SERPINA12: variants seen among roughly 807,000 people sequenced by gnomAD.
The protein encoded by SERPINA12 is serpin family A member 12, also known as serpin A12.
Under a neutral mutation model 25.9 loss-of-function variants are expected in SERPINA12, and 21 were observed. That is an observed-to-expected ratio of 0.81 (90% CI 0.58 to 1.17). The LOEUF is 1.17. Among genes scored for constraint, SERPINA12 ranks in the 50% most tolerant of loss-of-function variants. The pLI is 0.00. For synonymous variants in SERPINA12, 220 were observed against 196.0 expected, an observed-to-expected ratio of 1.12 and a Z score of -1.02; for missense variants, 562 against 508.3, an observed-to-expected ratio of 1.11 and a Z score of -1.02.
intron 1 of SERPINA12, among the ~76,000 whole-genome samples, chr14:94,500,472 C>T (rs2139856145): frequency 6.6e-6 from 1 of 152,300 alleles, no homozygotes; most frequent in East Asian, 1.9e-4. Context: ...AACTCTCCTG[C>T]TACTGGTTGG....
chr14:94,512,196 CA>C (rs891310212), upstream of SERPINA12, among the ~76,000 whole-genome samples: 5 of 152,108 alleles, frequency 3.3e-5, no homozygotes, highest in African/African-American at 9.7e-5. Context: ...GGCCTCCAAA[CA>C]AAAAAAGCCG....
intron 1 of SERPINA12, among the ~76,000 whole-genome samples, chr14:94,505,948 G>A (rs116736210): frequency 0.014 from 2,135 of 152,306 alleles, 63 homozygotes; most frequent in African/African-American, 0.049. Context: ...AAAGAGCCCC[G>A]GAGGAGGTGC....
chr14:94,510,243 T>C, upstream of SERPINA12: 1 of 985,314 alleles, frequency 1.0e-6, no homozygotes, highest in Non-Finnish European at 1.2e-6. Flanking sequence ...GTCAATCAAT[T>C]TCACTTAAAA....
chr14:94,487,541 AC>A, intron 4 of SERPINA12, 47 bp from the exon 5 acceptor site: 1 of 1,525,174 alleles, frequency 6.6e-7, no homozygotes, highest in Non-Finnish European at 8.9e-7. Context: ...CTCCTTGGCG[AC>A]CACAGTGGGC....
intron 1 of SERPINA12, among the ~76,000 whole-genome samples, chr14:94,506,317 C>T (rs1300843810): frequency 1.3e-5 from 2 of 152,086 alleles, no homozygotes; most frequent in Non-Finnish European, 1.5e-5. Context: ...GTGACCATGC[C>T]ACACCCTAAC....
chr14:94,506,250 G>A (rs186929961), intron 1 of SERPINA12, among the ~76,000 whole-genome samples: 1 of 152,302 alleles, frequency 6.6e-6, no homozygotes, highest in Non-Finnish European at 1.5e-5. Flanking sequence ...AGGGGAGCTA[G>A]GAATTTCTGG....
chr14:94,511,051 C>A (rs1901095634), upstream of SERPINA12, among the ~76,000 whole-genome samples: 1 of 152,018 alleles, frequency 6.6e-6, no homozygotes, highest in African/African-American at 2.4e-5. Context: ...ATAACTTAAT[C>A]CAAGTAACCA....
intron 1 of SERPINA12, among the ~76,000 whole-genome samples, chr14:94,508,299 T>C (rs1901004528): frequency 2.0e-5 from 3 of 152,262 alleles, no homozygotes; most frequent in Admixed American, 2.0e-4. Flanking sequence ...TCCGGTAAGA[T>C]CCTAGGTTAC....
At chr14:94,497,743 C>A (rs375226527) in intron 2 of SERPINA12, 21 bp downstream of exon 2, 378 of 1,577,874 alleles carry the variant, frequency 2.4e-4, no homozygotes, top group Non-Finnish European at 3.1e-4. Flanking sequence ...TCTTTCCACA[C>A]CAACATGCCA....
intron 1 of SERPINA12, among the ~76,000 whole-genome samples, chr14:94,507,065 A>G (rs1043414115): frequency 6.6e-6 from 1 of 152,232 alleles, no homozygotes; most frequent in Admixed American, 6.5e-5. Flanking sequence ...CCTTTCAATG[A>G]ATGATGAAAA....
intron 3 of SERPINA12, among the ~76,000 whole-genome samples, chr14:94,495,551 G>A (rs4905211): frequency 0.33 from 50,600 of 152,084 alleles, 8,991 homozygotes; most frequent in African/African-American, 0.46. Flanking sequence ...CTGACAGGAC[G>A]TTAGGTGTGG....
chr14:94,490,048 C>T (rs1464332072), intron 3 of SERPINA12, among the ~76,000 whole-genome samples: 1 of 152,120 alleles, frequency 6.6e-6, no homozygotes, highest in African/African-American at 2.4e-5. Flanking sequence ...GCCCCTTCAG[C>T]CACAGTCACT....
chr14:94,505,955 G>A (rs973167230), intron 1 of SERPINA12, among the ~76,000 whole-genome samples: 5 of 152,202 alleles, frequency 3.3e-5, no homozygotes, highest in Non-Finnish European at 5.9e-5. Context: ...CCCGGAGGAG[G>A]TGCACGTCTG....
chr14:94,511,035 C>T (rs146449810), upstream of SERPINA12, among the ~76,000 whole-genome samples: 106 of 152,076 alleles, frequency 7.0e-4, no homozygotes, highest in African/African-American at 1.4e-3. Flanking sequence ...CAGAAATCAC[C>T]GCTAAATAAC....
Position 94,496,485 on chromosome 14 carries a change from G to A in SERPINA12, c.793C>T (p.Gln265Ter), listed in dbSNP as rs981297037. The change falls in exon 3 of 5, where the codon CAG becomes TAG. Residue 265 changes from glutamine (Q) to a stop codon, truncating the protein, a stop_gained. Coordinates refer to ENST00000677451, the MANE Select transcript of SERPINA12 (RefSeq NM_001382267.1). LOFTEE classifies it high-confidence loss of function. ...LSCTILEIPY[Q>*]KNITAIFILP... is the part of the protein sequence containing the mutation. The stretch of plus-strand genomic sequence containing the variant: ...ATGAAGATGGCTGTGATATTTTTCT[G>A]GTAGGGTATTTCCAGGATGGTGCAA... 1 of 1,613,958 alleles carries A rather than the reference G, an allele frequency of 6.2e-7. No individual in the cohort carries two copies. The highest frequency in any genetic ancestry group is 1.3e-5 in the African/African-American group (1 of 74,882).
Position 94,498,292 on chromosome 14 carries a change from C to T in SERPINA12, c.106G>A (p.Val36Ile). Residue 36 changes from valine to isoleucine, a missense_variant, in exon 2 of 5, where the codon GTC (valine) becomes ATC (isoleucine). By Grantham distance (29) the Val-to-Ile change is conservative (BLOSUM62 3). Coordinates refer to ENST00000677451, the MANE Select transcript of SERPINA12 (RefSeq NM_001382267.1). ...SPRNYKALSE[V>I]QGWKQRMAAK... ...GCCATCCTTTGCTTCCATCCTTGGA[C>T]CTCGCTCAAAGCTTTATAATTCCTT... 1 of 1,614,212 alleles carries T rather than the reference C, an allele frequency of 6.2e-7. No homozygotes were observed. Among genetic ancestry groups the T allele is most frequent in the Middle Eastern group, 1.6e-4 (1 of 6,062 alleles).
chr14:94,510,656 A>C (rs139664874), upstream of SERPINA12, among the ~76,000 whole-genome samples: 525 of 152,276 alleles, frequency 3.4e-3, 3 homozygotes, highest in African/African-American at 0.012. Context: ...ACACATGCAC[A>C]CACATGTTGC....
intron 4 of SERPINA12, 96 bp downstream of exon 4, chr14:94,489,524 T>A: frequency 1.4e-6 from 2 of 1,405,988 alleles, no homozygotes; most frequent in Admixed American, 4.2e-5. Flanking sequence ...GTGGGTGGAG[T>A]CTCGGCTCTG....
chr14:94,488,941 A>G (rs1023686429), intron 4 of SERPINA12, among the ~76,000 whole-genome samples: 43 of 151,886 alleles, frequency 2.8e-4, no homozygotes, highest in African/African-American at 1.0e-3. Context: ...CTAAAAATAC[A>G]AAAAAATTAG....
Sources: gnomAD v4.1 joint callset for allele counts (sites outside exome capture counted in the v4.1 genomes callset) on GRCh38, gnomAD v4.1.1 for gene constraint, MANE v1.5 for transcripts, NCBI Gene and HGNC (gene_info 2026-07-23, HGNC 2026-07-21) for gene names.